FNBP1: variants seen among roughly 807,000 people sequenced by gnomAD.
FNBP1 encodes formin binding protein 1, also known as formin-binding protein 1.
Under a neutral mutation model 90.6 loss-of-function variants are expected in FNBP1, and 26 were observed. That is an observed-to-expected ratio of 0.29 (90% CI 0.21 to 0.40). The LOEUF (loss-of-function observed/expected upper bound fraction) is 0.40, where lower values mean the gene tolerates loss of function less well. FNBP1 is among the 10% of genes least tolerant of loss of function. FNBP1 has a pLI of 1.00. For missense variants in FNBP1, 635 were observed against 768.0 expected (o/e 0.83, Z 2.05); for synonymous variants, 260 against 265.2 (o/e 0.98, Z 0.19).
intron 11 of FNBP1, among the ~76,000 whole-genome samples, chr9:129,912,937 C>T (rs1191269242): frequency 1.3e-5 from 2 of 151,692 alleles, no homozygotes; most frequent in East Asian, 1.9e-4. Context: ...AACTCAACAG[C>T]GGTTGGGCGT....
chr9:129,893,471 G>T (rs1009631540), intron 16 of FNBP1, among the ~76,000 whole-genome samples: 2 of 150,398 alleles, frequency 1.3e-5, no homozygotes, highest in Non-Finnish European at 3.0e-5. Flanking sequence ...AGATTAGCCG[G>T]GTGTGGTGGC....
intron 6 of FNBP1, among the ~76,000 whole-genome samples, chr9:129,946,025 C>T (rs1048464572): frequency 3.9e-5 from 6 of 151,946 alleles, no homozygotes; most frequent in Admixed American, 6.6e-5. Context: ...AAAAATTAGC[C>T]GGGTGTAGTG....
upstream of FNBP1, among the ~76,000 whole-genome samples, chr9:130,047,077 C>CT (rs1232322905): frequency 1.3e-5 from 2 of 152,192 alleles, no homozygotes; most frequent in East Asian, 3.9e-4. Flanking sequence ...ATATCTGACA[C>CT]TATCTCCAGG....
At chr9:129,929,079 C>A (rs2042337746) in intron 7 of FNBP1, among the ~76,000 whole-genome samples, 1 of 151,416 alleles carries the variant, frequency 6.6e-6, no homozygotes, top group Non-Finnish European at 1.5e-5. Flanking sequence ...GCCTGGGCAA[C>A]AGAGTGAGAC....
At chr9:129,916,232 G>A (rs766608931) in intron 10 of FNBP1, 6 of 537,974 alleles carry the variant, frequency 1.1e-5, no homozygotes, top group Non-Finnish European at 2.0e-5. Flanking sequence ...AGATAGAAAA[G>A]GAGGGTTTCT....
At chr9:129,982,873 A>C (rs2130997497) in intron 2 of FNBP1, among the ~76,000 whole-genome samples, 1 of 152,254 alleles carries the variant, frequency 6.6e-6, no homozygotes, top group South Asian at 2.1e-4. Flanking sequence ...CATGTTGCTG[A>C]GGCTGGTCAC....
intron 10 of FNBP1, 118 bp downstream of exon 10, chr9:129,923,726 A>C: frequency 9.3e-7 from 1 of 1,080,304 alleles, no homozygotes. Flanking sequence ...TTTTTTTTTA[A>C]CTTTTTTATA....
intron 15 of FNBP1, among the ~76,000 whole-genome samples, chr9:129,897,459 G>A (rs1033192583): frequency 6.6e-6 from 1 of 152,112 alleles, no homozygotes; most frequent in Non-Finnish European, 1.5e-5. Context: ...GTCTATTAAA[G>A]GCTCTGAAAA....
intron 1 of FNBP1, among the ~76,000 whole-genome samples, chr9:130,009,157 C>T (rs1437664710): frequency 6.6e-6 from 1 of 152,170 alleles, no homozygotes; most frequent in Non-Finnish European, 1.5e-5. Context: ...GCATCTGAAA[C>T]TTAGTTAACA....
chr9:129,984,804 A>G (rs1246571705), intron 2 of FNBP1, among the ~76,000 whole-genome samples: 2 of 152,156 alleles, frequency 1.3e-5, no homozygotes, highest in African/African-American at 2.4e-5. Flanking sequence ...CAGGTTTATC[A>G]GGGGTTTCCG....
intron 12 of FNBP1, among the ~76,000 whole-genome samples, chr9:129,907,787 G>A (rs1030599771): frequency 4.6e-5 from 7 of 152,104 alleles, no homozygotes; most frequent in Non-Finnish European, 1.5e-5. Context: ...GGAGTGCAGT[G>A]GCGCAATCTC....
In FNBP1 at chr9:129,957,042, C is replaced by CTTTT. The variant is rs34387590; in HGVS notation, c.513+314_513+317dup. Among the ~76,000 whole-genome samples, 119 of 143,880 alleles carry CTTTT rather than the reference C, an allele frequency of 8.3e-4. No homozygotes were observed. The highest frequency in any genetic ancestry group is 2.9e-3 in the African/African-American group (115 of 39,246). 94.4% of individuals were successfully genotyped at this position (143,880 alleles called of 152,430 possible). A position where few individuals can be genotyped will look rare whatever the true frequency, so the allele number is the denominator to read the frequency against. On this transcript the variant is annotated intron_variant, in intron 6 of 16. Coordinates refer to ENST00000446176, the MANE Select transcript of FNBP1 (RefSeq NM_015033.3). This position sits in a 1 kb window ranked among gnomAD's most constrained non-coding sequence, Gnocchi z 4.3. ...AAGACACACTTGAGCTTTCTTTTGT[C>CTTTT]TTTTTTTTTTTTTGGCGATAGTTTC...
chr9:129,975,902 TAA>T (rs34630525), intron 4 of FNBP1, among the ~76,000 whole-genome samples: 4 of 73,920 alleles, frequency 5.4e-5, no homozygotes, highest in Admixed American at 1.8e-4. Flanking sequence ...GACTCCATCT[TAA>T]AAAAAAAAAA....
intron 1 of FNBP1, among the ~76,000 whole-genome samples, chr9:130,016,587 C>T (rs1969751): frequency 0.97 from 148,082 of 152,160 alleles, 72,198 homozygotes; most frequent in East Asian, 1. Flanking sequence ...CTACTAAAAA[C>T]ACAAAATTAG....
At chr9:129,929,134 G>C (rs977459021) in intron 7 of FNBP1, among the ~76,000 whole-genome samples, 1 of 151,470 alleles carries the variant, frequency 6.6e-6, no homozygotes, top group Non-Finnish European at 1.5e-5. Context: ...AAAGGGCCAG[G>C]CATGGTGGCT....
At chr9:130,035,080 C>A (rs762007761) in intron 1 of FNBP1, among the ~76,000 whole-genome samples, 2 of 152,094 alleles carry the variant, frequency 1.3e-5, no homozygotes, top group African/African-American at 2.4e-5. Flanking sequence ...ACCTAAGAGG[C>A]AGAGGTTGCA....
intron 1 of FNBP1, among the ~76,000 whole-genome samples, chr9:130,038,249 G>A (rs1196049916): frequency 2.6e-5 from 4 of 151,264 alleles, no homozygotes; most frequent in East Asian, 4.0e-4. Context: ...CAGCTACTCC[G>A]GAGGCTGAGG....
At chr9:129,947,503 G>T (rs139407077) in intron 6 of FNBP1, among the ~76,000 whole-genome samples, 2 of 151,998 alleles carry the variant, frequency 1.3e-5, no homozygotes, top group African/African-American at 4.8e-5. Context: ...GTCAAGGATC[G>T]TGTGATTATG....
chr9:129,959,960 G>A (rs78281934), intron 4 of FNBP1, among the ~76,000 whole-genome samples: 1,893 of 152,144 alleles, frequency 0.012, 15 homozygotes, highest in Middle Eastern at 0.021. Context: ...TATCCACTTC[G>A]CATGATTTCA....
Sources: gnomAD v4.1 joint callset for allele counts (sites outside exome capture counted in the v4.1 genomes callset) on GRCh38, gnomAD v4.1.1 for gene constraint, Gnocchi (gnomAD v3.1) non-coding constraint, MANE v1.5 for transcripts, NCBI Gene and HGNC (gene_info 2026-07-23, HGNC 2026-07-21) for gene names.